Variants in RBFOX1 observed in about 807,000 individuals in gnomAD.
RBFOX1 encodes RNA binding protein fox-1 homolog 1.
Under a neutral mutation model 57.7 loss-of-function variants are expected in RBFOX1, and 8 were observed. The observed-to-expected ratio is 0.14, with a 90% CI of 0.08 to 0.25. The LOEUF is 0.25. Among genes scored for constraint, RBFOX1 ranks in the 10% least tolerant of loss-of-function variants. The pLI is 1.00. For missense variants in RBFOX1, 611 were observed against 548.5 expected, an observed-to-expected ratio of 1.11 and a Z score of -1.14; for synonymous variants, 326 against 222.4, an observed-to-expected ratio of 1.47 and a Z score of -4.15.
chr16:7,308,511 C>T (rs900596486), intron 4 of RBFOX1, among the ~76,000 whole-genome samples: 38 of 152,200 alleles, frequency 2.5e-4, no homozygotes, highest in Middle Eastern at 6.8e-3. Context: ...CAGAAAAGAG[C>T]CTCTAAAGTG....
chr16:7,230,172 T>C (rs2093417420), intron 4 of RBFOX1, among the ~76,000 whole-genome samples: 6 of 150,884 alleles, frequency 4.0e-5, no homozygotes, highest in Admixed American at 3.9e-4. Flanking sequence ...CGTTTACTCA[T>C]TTCACTTTTT....
chr16:6,038,244 C>A (rs913674885), intron 1 of RBFOX1: 5 of 149,282 alleles, frequency 3.3e-5, no homozygotes, highest in African/African-American at 9.8e-5. Flanking sequence ...TGCAGTGGTG[C>A]AATCTTGGCC....
chr16:5,369,152 C>T (rs755839801), intron 1 of RBFOX1, among the ~76,000 whole-genome samples: 5 of 152,236 alleles, frequency 3.3e-5, no homozygotes, highest in South Asian at 2.1e-4. Context: ...CAAACATGTG[C>T]CACCATGCCT....
chr16:5,883,672 A>T (rs1169813796), intron 4 of RBFOX1, among the ~76,000 whole-genome samples: 2 of 152,184 alleles, frequency 1.3e-5, no homozygotes, highest in East Asian at 3.9e-4. Flanking sequence ...TCTTCAGCTA[A>T]CGACTCTTTC....
intron 2 of RBFOX1, among the ~76,000 whole-genome samples, chr16:6,459,818 C>T (rs897485792): frequency 6.6e-6 from 1 of 151,224 alleles, no homozygotes; most frequent in African/African-American, 2.4e-5. Flanking sequence ...AACCCTGTCT[C>T]TACATAAGAT....
intron 4 of RBFOX1, among the ~76,000 whole-genome samples, chr16:7,066,476 G>A (rs981568118): frequency 6.6e-6 from 1 of 152,124 alleles, no homozygotes; most frequent in Non-Finnish European, 1.5e-5. Context: ...TATGACAGGT[G>A]GAAAATGCCT....
At chr16:6,499,403 A>C (rs569970376) in intron 2 of RBFOX1, among the ~76,000 whole-genome samples, 1 of 152,192 alleles carries the variant, frequency 6.6e-6, no homozygotes, top group Non-Finnish European at 1.5e-5. Context: ...AAAAATCTTA[A>C]TTAAAATAAA....
intron 2 of RBFOX1, among the ~76,000 whole-genome samples, chr16:6,589,094 T>C (rs963151626): frequency 5.0e-5 from 4 of 79,858 alleles, no homozygotes; most frequent in African/African-American, 1.2e-4. Flanking sequence ...TATCATTCCA[T>C]CTATATTACA....
intron 3 of RBFOX1, among the ~76,000 whole-genome samples, chr16:6,887,006 C>T (rs190129507): frequency 1.1e-3 from 165 of 152,174 alleles, no homozygotes; most frequent in Non-Finnish European, 1.9e-3. Context: ...ATTTTTTCCA[C>T]TTTCTGGTTT....
intron 4 of RBFOX1, among the ~76,000 whole-genome samples, chr16:7,338,221 G>C (rs966678919): frequency 6.6e-6 from 1 of 150,868 alleles, no homozygotes; most frequent in African/African-American, 2.4e-5. Context: ...CCTAAGCATG[G>C]CAATTATCAT....
At chr16:7,181,719 C>T (rs1211452053) in intron 4 of RBFOX1, among the ~76,000 whole-genome samples, 1 of 151,996 alleles carries the variant, frequency 6.6e-6, no homozygotes, top group African/African-American at 2.4e-5. Flanking sequence ...TGCACGATGC[C>T]TGGCTAGGTT....
At chr16:6,811,228 A>C (rs1258324714) in intron 3 of RBFOX1, among the ~76,000 whole-genome samples, 3 of 152,220 alleles carry the variant, frequency 2.0e-5, no homozygotes, top group African/African-American at 7.2e-5. Context: ...TAATATAGGC[A>C]GGAAAAATCA....
chr16:7,069,429 C>T (rs1299484698), intron 4 of RBFOX1, among the ~76,000 whole-genome samples: 5 of 152,146 alleles, frequency 3.3e-5, no homozygotes, highest in Admixed American at 1.3e-4. Context: ...CTCCTACTTA[C>T]AAGTGAGAGC....
intron 2 of RBFOX1, among the ~76,000 whole-genome samples, chr16:6,393,230 A>G (rs138957700): frequency 0.012 from 1,817 of 152,328 alleles, 34 homozygotes; most frequent in African/African-American, 0.042. Context: ...TTTCTAAAAC[A>G]AATTAAATGA....
chr16:7,467,716 A>T (rs186472219), intron 4 of RBFOX1, among the ~76,000 whole-genome samples: 1 of 152,348 alleles, frequency 6.6e-6, no homozygotes, highest in East Asian at 1.9e-4. Context: ...GGATCTGTCT[A>T]CTGGGACACC....
chr16:7,460,389 A>ATATATATATATGTGTGTGTG, intron 4 of RBFOX1, among the ~76,000 whole-genome samples: 3 of 87,214 alleles, frequency 3.4e-5, no homozygotes, highest in African/African-American at 2.0e-4. Context: ...ATATATATAT[A>ATATATATATATGTGTGTGTG]TGTGTGTGTG....
At chr16:6,980,535 C>G (rs953952247) in intron 3 of RBFOX1, among the ~76,000 whole-genome samples, 3 of 152,078 alleles carry the variant, frequency 2.0e-5, no homozygotes, top group African/African-American at 2.4e-5. Flanking sequence ...AAGTGTTTTC[C>G]AAGCTAACAT....
intron 4 of RBFOX1, among the ~76,000 whole-genome samples, chr16:7,299,390 G>A (rs192085377): frequency 2.6e-5 from 4 of 152,266 alleles, no homozygotes; most frequent in Admixed American, 6.5e-5. Context: ...TGGAAGCGTG[G>A]TTTATTTTTA....
At chr16:7,126,580 A>C (rs1422166599) in intron 4 of RBFOX1, 2 of 196,210 alleles carry the variant, frequency 1.0e-5, no homozygotes, top group African/African-American at 2.3e-5. Flanking sequence ...TGCAGCAAAT[A>C]GGCTGCATGT....
Sources: allele counts gnomAD v4.1 joint callset (sites outside exome capture counted in the v4.1 genomes callset), GRCh38; gene constraint gnomAD v4.1.1; transcripts MANE v1.5; gene names NCBI Gene and HGNC (gene_info 2026-07-23, HGNC 2026-07-21).